METTL15: variants seen among roughly 807,000 people sequenced by gnomAD.
The protein encoded by METTL15 is methyltransferase 15, mitochondrial 12S rRNA N4-cytidine, also known as 12S rRNA N(4)-cytidine methyltransferase METTL15.
METTL15 carries 34 observed loss-of-function variants against 38.3 expected under a neutral mutation model. The observed-to-expected ratio is 0.89, with a 90% confidence interval of 0.68 to 1.18. The LOEUF (loss-of-function observed/expected upper bound fraction) is 1.18, where lower values mean the gene tolerates loss of function less well. Among genes scored for constraint, METTL15 ranks in the 50% most tolerant of loss-of-function variants. The pLI is 0.00. For synonymous variants in METTL15, 162 were observed against 170.9 expected, an observed-to-expected ratio of 0.95 and a Z score of 0.41; for missense variants, 438 against 498.4, an observed-to-expected ratio of 0.88 and a Z score of 1.15.
chr11:28,408,707 A>G (rs185537074), intron 5 of METTL15, among the ~76,000 whole-genome samples: 3 of 152,328 alleles, frequency 2.0e-5, no homozygotes, highest in Middle Eastern at 3.4e-3. Flanking sequence ...TATGTAATAT[A>G]CAACATTATA....
At chr11:28,139,764 A>G (rs960126990) in intron 3 of METTL15, among the ~76,000 whole-genome samples, 1 of 152,190 alleles carries the variant, frequency 6.6e-6, no homozygotes, top group Non-Finnish European at 1.5e-5. Flanking sequence ...AAAAAAAAAA[A>G]ACAAAACTCT....
At chr11:28,530,651 T>C (rs1391025482), downstream of METTL15, among the ~76,000 whole-genome samples, 1 of 152,102 alleles carries the variant, frequency 6.6e-6, no homozygotes, top group Admixed American at 6.6e-5. Context: ...CACAATTGAC[T>C]TTCAGAAACT....
chr11:28,286,047 T>C (rs114797172), intron 4 of METTL15, among the ~76,000 whole-genome samples: 2,946 of 152,224 alleles, frequency 0.019, 95 homozygotes, highest in African/African-American at 0.067. Context: ...TAGATAAATA[T>C]ATATATATGA....
chr11:28,109,271 ACTT>A (rs1208198873), intron 1 of METTL15, among the ~76,000 whole-genome samples: 3 of 152,268 alleles, frequency 2.0e-5, no homozygotes, highest in South Asian at 2.1e-4. Flanking sequence ...TAAAGCTACT[ACTT>A]ATTTTTGGCT....
At chr11:28,174,830 A>AT (rs1850997973) in intron 3 of METTL15, among the ~76,000 whole-genome samples, 1 of 138,542 alleles carries the variant, frequency 7.2e-6, no homozygotes, top group Non-Finnish European at 1.6e-5. Context: ...AAAAAAAAAA[A>AT]CATAAAAAAG....
chr11:28,438,672 CTT>C (rs1171439330), intron 6 of METTL15, among the ~76,000 whole-genome samples: 7 of 128,192 alleles, frequency 5.5e-5, no homozygotes, highest in Middle Eastern at 3.7e-3. Context: ...TTTCTTTTTT[CTT>C]TTTTTTTTTT....
chr11:28,235,209 C>T (rs1222221588), intron 4 of METTL15, among the ~76,000 whole-genome samples: 1 of 151,844 alleles, frequency 6.6e-6, no homozygotes, highest in African/African-American at 2.4e-5. Context: ...GTTACTGTAG[C>T]CTTGTAGTAT....
chr11:28,489,606 C>CAG (rs139116502), intron 6 of METTL15, among the ~76,000 whole-genome samples: 183 of 148,804 alleles, frequency 1.2e-3, no homozygotes, highest in Middle Eastern at 7.0e-3. Flanking sequence ...TATGGAAGCC[C>CAG]AGAGAGAGAG....
intron 6 of METTL15, among the ~76,000 whole-genome samples, chr11:28,430,870 G>A (rs1157263329): frequency 1.3e-4 from 14 of 108,940 alleles, no homozygotes; most frequent in African/African-American, 3.5e-4. Context: ...TCAGCCCCCC[G>A]CCCGGCCAGC....
chr11:28,346,079 A>G (rs935313916), intron 3 of METTL15, among the ~76,000 whole-genome samples: 1 of 152,242 alleles, frequency 6.6e-6, no homozygotes, highest in African/African-American at 2.4e-5. Context: ...CTTTAGCATG[A>G]TTCCTCAGTT....
chr11:28,350,642 T>A (rs1172413301), intron 3 of METTL15, among the ~76,000 whole-genome samples: 2 of 152,180 alleles, frequency 1.3e-5, no homozygotes, highest in Non-Finnish European at 2.9e-5. Flanking sequence ...CTTTTTATGG[T>A]CAAGCACCTG....
intron 6 of METTL15, among the ~76,000 whole-genome samples, chr11:28,486,519 A>G (rs1447377661): frequency 1.3e-5 from 2 of 152,004 alleles, no homozygotes; most frequent in African/African-American, 4.8e-5. Flanking sequence ...TGTGCCAATG[A>G]GACTGAGCCT....
chr11:28,134,328 G>A (rs1265445104), intron 3 of METTL15, among the ~76,000 whole-genome samples: 3 of 152,132 alleles, frequency 2.0e-5, no homozygotes, highest in African/African-American at 7.2e-5. Flanking sequence ...TATACCAATG[G>A]TCTGGGTTCC....
rs565981295 is a variant in METTL15 at position 28,409,439 on chromosome 11, A to G, written c.*359-14860A>G. Among the ~76,000 whole-genome samples the G allele has an allele frequency of 5.3e-5, 8 of 150,340 alleles. No homozygotes were observed. The South Asian group carries it at 1.7e-3, about 32-fold the overall frequency. ...TATATCATATGTAATATGGTTTCTG[A>G]TTACAATGTTATGAACTAGAAATTA... On this transcript the variant is annotated intron_variant and NMD_transcript_variant, in intron 5 of 7. Coordinates refer to the METTL15 transcript ENST00000532947.
Position 28,290,237 on chromosome 11 carries a change from A to C in METTL15, c.439A>C (p.Ser147Arg). 2 of 1,612,710 alleles carry C rather than the reference A, an allele frequency of 1.2e-6. No homozygotes were observed. The highest frequency in any genetic ancestry group is 1.7e-6 in the Non-Finnish European group (2 of 1,179,254). ...AATCCGAGCTATGCTGGGCCAGTTCAGCCAGGCAGAAGCCTTATTAATGAA... is the reference window on the plus strand; with the variant it reads ...AATCCGAGCTATGCTGGGCCAGTTCCGCCAGGCAGAAGCCTTATTAATGAA... ...KQIRAMLGQF[S>R]QAEALLMKAG... is the part of the protein sequence containing the mutation. Residue 147 changes from serine to arginine, a missense_variant, in exon 5 of 7, where the codon AGC becomes CGC. Coordinates refer to ENST00000407364, the MANE Select transcript of METTL15 (RefSeq NM_001113528.2).
At chr11:28,238,146 G>T (rs1854103420) in intron 4 of METTL15, among the ~76,000 whole-genome samples, 2 of 152,208 alleles carry the variant, frequency 1.3e-5, no homozygotes. Flanking sequence ...CTGTCAGACA[G>T]GGACATTTAA....
intron 3 of METTL15, among the ~76,000 whole-genome samples, chr11:28,190,435 A>G (rs1371680467): frequency 1.3e-5 from 2 of 151,216 alleles, no homozygotes; most frequent in East Asian, 1.9e-4. Flanking sequence ...TTTCAAGACT[A>G]CGTAACTCTA....
intron 6 of METTL15, among the ~76,000 whole-genome samples, chr11:28,489,518 A>G (rs1008718811): frequency 5.9e-5 from 9 of 152,092 alleles, no homozygotes; most frequent in African/African-American, 2.2e-4. Flanking sequence ...AAGAGTATAA[A>G]TCCATAGGAG....
intron 3 of METTL15, among the ~76,000 whole-genome samples, chr11:28,148,239 T>C (rs1298449781): frequency 6.6e-6 from 1 of 151,970 alleles, no homozygotes; most frequent in East Asian, 1.9e-4. Context: ...AATGTTCATG[T>C]ATAAATTGGA....
Sources: gnomAD v4.1 joint callset for allele counts (sites outside exome capture counted in the v4.1 genomes callset) on GRCh38, gnomAD v4.1.1 for gene constraint, MANE v1.5 for transcripts, NCBI Gene and HGNC (gene_info 2026-07-23, HGNC 2026-07-21) for gene names.